Variants in MMRN1 observed in about 807,000 individuals in gnomAD.
MMRN1 encodes multimerin-1.
Under a neutral mutation model 100.7 loss-of-function variants are expected in MMRN1, and 94 were observed. The ratio of observed to expected loss-of-function variants is 0.93; its 90% CI spans 0.79 to 1.11. The LOEUF (loss-of-function observed/expected upper bound fraction) is 1.11. Among genes scored for constraint, MMRN1 ranks in the 50% least tolerant of loss-of-function variants. The pLI is 0.00. For missense variants in MMRN1, 1,606 were observed against 1,439.1 expected (o/e 1.12, Z -1.88); for synonymous variants, 575 against 505.0 (o/e 1.14, Z -1.86).
chr4:89,883,904 A>G (rs2110568536), intron 1 of MMRN1, among the ~76,000 whole-genome samples: 1 of 152,218 alleles, frequency 6.6e-6, no homozygotes, highest in South Asian at 2.1e-4. Context: ...AAACATCTCA[A>G]ATTAATTTTT....
At chr4:89,924,989 A>C (rs1372459989) in intron 4 of MMRN1, among the ~76,000 whole-genome samples, 1 of 152,120 alleles carries the variant, frequency 6.6e-6, no homozygotes, top group Non-Finnish European at 1.5e-5. Flanking sequence ...CCATCCCCTC[A>C]AGCATTTATC....
intron 1 of MMRN1, among the ~76,000 whole-genome samples, chr4:89,896,461 GAA>G (rs1282480761): frequency 6.6e-6 from 1 of 151,966 alleles, no homozygotes; most frequent in African/African-American, 2.4e-5. Context: ...AATAAACAAA[GAA>G]AAAATATCTG....
chr4:89,905,558 G>A (rs2110590919), intron 1 of MMRN1, among the ~76,000 whole-genome samples: 1 of 151,594 alleles, frequency 6.6e-6, no homozygotes, highest in South Asian at 2.1e-4. Context: ...GTGGGTATTA[G>A]GTGAGGTGTG....
Position 89,953,463 on chromosome 4 carries a change from G to A in MMRN1, c.*45G>A, listed in dbSNP as rs779528737. On this transcript the variant is annotated 3_prime_UTR_variant, in exon 8 of 8. Coordinates refer to ENST00000264790, the MANE Select transcript of MMRN1 (RefSeq NM_007351.3). ...TATCACCTTTATTGAGAAACAGCCA[G>A]TGTTTTCATTTATCTTTGCTTGCAC... The A allele has an allele frequency of 1.1e-5, 17 of 1,501,642 alleles. No homozygotes were observed. Among genetic ancestry groups the A allele is most frequent in the Non-Finnish European group, 1.5e-5 (17 of 1,122,314 alleles). 93.0% of individuals were successfully genotyped at this position (1,501,642 alleles called of 1,614,324 possible).
chr4:89,947,977 G>C (rs149585168), intron 6 of MMRN1, among the ~76,000 whole-genome samples: 5,554 of 151,782 alleles, frequency 0.037, 234 homozygotes, highest in African/African-American at 0.1. Flanking sequence ...CTCAGCCTCC[G>C]GAGTAGCTGG....
At position 89,895,500 on chromosome 4, in the gene MMRN1, C is replaced by T. The variant is rs745711366; in HGVS notation, c.529C>T (p.Arg177Ter). 3 of 1,613,770 alleles carry T rather than the reference C, an allele frequency of 1.9e-6. No homozygotes were observed. Among genetic ancestry groups the T allele is most frequent in the South Asian group, 2.2e-5 (2 of 91,064 alleles). ...TGGAGGCACTGGAGGCGTGGGAAAT[C>T]GAGCCCCACGGGAAACATACCTCAG... ...GVGGTGGVGNRAPRETYLSRG... is the reference protein window; with the variant it reads ...GVGGTGGVGN Residue 177 changes from arginine to a stop codon, truncating the protein, a stop_gained, in exon 1 of 8, where the codon CGA (arginine) becomes TGA (stop). Transcript: ENST00000264790. LOFTEE classifies it high-confidence loss of function.
intron 1 of MMRN1, among the ~76,000 whole-genome samples, chr4:89,903,487 G>T (rs1488088257): frequency 6.6e-6 from 1 of 151,422 alleles, no homozygotes; most frequent in African/African-American, 2.4e-5. Flanking sequence ...AATTTATCAG[G>T]TCATTAAAGA....
At chr4:89,901,154 G>GAAA (rs372841987) in intron 1 of MMRN1, among the ~76,000 whole-genome samples, 11 of 112,154 alleles carry the variant, frequency 9.8e-5, no homozygotes, top group African/African-American at 2.7e-4. Flanking sequence ...GGGCTTTTAT[G>GAAA]AAAAAAAAAA....
chr4:89,919,155 A>G (rs1722011594), intron 3 of MMRN1, among the ~76,000 whole-genome samples: 1 of 151,498 alleles, frequency 6.6e-6, no homozygotes, highest in Admixed American at 6.6e-5. Context: ...AAAATGCTCT[A>G]TTATTTTTAA....
At chr4:89,916,543 A>G (rs1454030071) in intron 3 of MMRN1, among the ~76,000 whole-genome samples, 1 of 151,716 alleles carries the variant, frequency 6.6e-6, no homozygotes, top group African/African-American at 2.4e-5. Flanking sequence ...AATATGAAAA[A>G]AGCTTAATTT....
chr4:89,947,946 G>T (rs1240492166), intron 6 of MMRN1, among the ~76,000 whole-genome samples: 2 of 152,066 alleles, frequency 1.3e-5, no homozygotes, highest in East Asian at 3.9e-4. Flanking sequence ...TCCGCCTCCT[G>T]GGTTCAAGTA....
chr4:89,935,243 A>C lies in MMRN1; in HGVS notation c.1563A>C (p.Leu521Phe), dbSNP rs370291888. ...SKLKEVHEQL[L>F]STEQVSDQKN... Reference sequence around the variant, plus strand: ...TGAAGGAAGTACATGAGCAGCTTTTATCAACTGAACAGGTATCAGACCAGA... The same window carrying C: ...TGAAGGAAGTACATGAGCAGCTTTTCTCAACTGAACAGGTATCAGACCAGA... Residue 521 changes from leucine (L) to phenylalanine (F), a missense_variant, in exon 6 of 8, where the codon TTA (leucine) becomes TTC (phenylalanine). Leu to Phe is a conservative substitution (Grantham distance 22, BLOSUM62 0). Transcript: ENST00000264790. The C allele has an allele frequency of 5.6e-6, 9 of 1,613,638 alleles. No homozygotes were observed. In the African/African-American group the frequency reaches 9.3e-5, roughly 17 times the overall value.
At chr4:89,915,362 C>G (rs1475521482) in intron 3 of MMRN1, among the ~76,000 whole-genome samples, 1 of 151,482 alleles carries the variant, frequency 6.6e-6, no homozygotes, top group African/African-American at 2.4e-5. Flanking sequence ...CTTCAATTTA[C>G]CTAGTAAATC....
At chr4:89,948,031 T>C (rs941641977) in intron 6 of MMRN1, among the ~76,000 whole-genome samples, 3 of 152,128 alleles carry the variant, frequency 2.0e-5, no homozygotes, top group South Asian at 2.1e-4. Context: ...TTTGTATTTT[T>C]AGTAGAGATG....
At chr4:89,885,096 T>C (rs536771250) in intron 1 of MMRN1, among the ~76,000 whole-genome samples, 4 of 152,194 alleles carry the variant, frequency 2.6e-5, no homozygotes, top group African/African-American at 9.6e-5. Context: ...AGTATCTACT[T>C]AGATGTATAT....
intron 3 of MMRN1, among the ~76,000 whole-genome samples, chr4:89,917,082 C>T (rs1721945361): frequency 6.6e-6 from 1 of 151,518 alleles, no homozygotes; most frequent in South Asian, 2.1e-4. Flanking sequence ...AATCCCCCCA[C>T]ACATCCTCGT....
chr4:89,952,467 C>T (rs936488398), intron 7 of MMRN1, among the ~76,000 whole-genome samples: 6 of 152,112 alleles, frequency 3.9e-5, no homozygotes, highest in African/African-American at 1.4e-4. Flanking sequence ...TAGATCTCAG[C>T]CTTTGTAAGT....
chr4:89,947,427 A>G (rs1302014041), intron 6 of MMRN1, among the ~76,000 whole-genome samples: 1 of 152,236 alleles, frequency 6.6e-6, no homozygotes, highest in Non-Finnish European at 1.5e-5. Context: ...TCCATCTTTT[A>G]TTAATTTGTC....
At chr4:89,910,610 C>G (rs1721718460) in intron 2 of MMRN1, among the ~76,000 whole-genome samples, 1 of 151,440 alleles carries the variant, frequency 6.6e-6, no homozygotes, top group African/African-American at 2.4e-5. Context: ...ACTGCCTGAG[C>G]TCATCCTTAC....
Sources: allele counts gnomAD v4.1 joint callset (sites outside exome capture counted in the v4.1 genomes callset), GRCh38; gene constraint gnomAD v4.1.1; transcripts MANE v1.5; gene names NCBI Gene and HGNC (gene_info 2026-07-23, HGNC 2026-07-21).